RGS8: variants seen among roughly 807,000 people sequenced by gnomAD.
RGS8 encodes regulator of G protein signaling 8.
In RGS8, 8 loss-of-function variants were observed where a neutral mutation model predicts 21.7. The ratio of observed to expected loss-of-function variants is 0.37; its 90% CI spans 0.22 to 0.66. The LOEUF is 0.66. Among genes scored for constraint, RGS8 ranks in the 30% least tolerant of loss-of-function variants. The pLI is 0.59. For missense variants in RGS8, 157 were observed against 217.9 expected (o/e 0.72, Z 1.76); for synonymous variants, 80 against 83.6 (o/e 0.96, Z 0.24).
At chr1:182,719,702 T>C in the RGS8 span, among the ~76,000 whole-genome samples, 1 of 151,524 alleles carries the variant, frequency 6.6e-6, no homozygotes, top group African/African-American at 2.4e-5. Flanking sequence ...GTGCTATGAT[T>C]ATAGGCATGA....
the RGS8 span, among the ~76,000 whole-genome samples, chr1:182,735,910 T>C: frequency 6.6e-6 from 1 of 152,200 alleles, no homozygotes; most frequent in African/African-American, 2.4e-5. Context: ...CCACTTTCTA[T>C]CATGACACCT....
rs1487780348 is a variant in RGS8 at position 182,671,675 on chromosome 1, A to G, written c.-122T>C. The G allele has an allele frequency of 1.2e-6, 2 of 1,614,188 alleles. No homozygotes were observed. Among genetic ancestry groups the G allele is most frequent in the Admixed American group, 1.7e-5 (1 of 60,028 alleles). On this transcript the variant is annotated 5_prime_UTR_variant, in exon 2 of 7. The change abolishes an upstream ATG in the 5' untranslated region. Transcript: ENST00000483095. ...TACTCACTGTCTTTGGCCAGTCCTCATGGCCTGAGGGTCTTTGCCAACTGG... is the reference window on the plus strand; with the variant it reads ...TACTCACTGTCTTTGGCCAGTCCTCGTGGCCTGAGGGTCTTTGCCAACTGG...
the RGS8 span, among the ~76,000 whole-genome samples, chr1:182,692,778 G>C: frequency 6.8e-6 from 1 of 146,944 alleles, no homozygotes; most frequent in Non-Finnish European, 1.5e-5. Context: ...TACAAAAATA[G>C]ACACATAGAC....
the RGS8 span, among the ~76,000 whole-genome samples, chr1:182,740,554 T>G: frequency 8.5e-4 from 116 of 137,258 alleles, 1 homozygote; most frequent in Middle Eastern, 3.6e-3. Context: ...GTTTGTTTTT[T>G]TTTTTTTTTT....
intron 5 of RGS8, among the ~76,000 whole-genome samples, chr1:182,661,264 A>G (rs1663572648): frequency 6.6e-6 from 1 of 151,960 alleles, no homozygotes; most frequent in East Asian, 1.9e-4. Context: ...TTTTAACTGT[A>G]CTATCCATTA....
chr1:182,703,035 A>G, the RGS8 span, among the ~76,000 whole-genome samples: 1 of 152,190 alleles, frequency 6.6e-6, no homozygotes, highest in South Asian at 2.1e-4. Context: ...TCATTTATTT[A>G]CCCAGGAAGT....
chr1:182,724,456 A>G, the RGS8 span, among the ~76,000 whole-genome samples: 4 of 151,944 alleles, frequency 2.6e-5, no homozygotes, highest in East Asian at 7.7e-4. Context: ...CTGTTTACAC[A>G]TCCAGTTAGG....
chr1:182,733,493 G>A, the RGS8 span, among the ~76,000 whole-genome samples: 1 of 152,322 alleles, frequency 6.6e-6, no homozygotes, highest in East Asian at 1.9e-4. Flanking sequence ...GCAGGTAGGA[G>A]CTAAGCTAGG....
At chr1:182,711,436 C>T in the RGS8 span, among the ~76,000 whole-genome samples, 1,960 of 152,288 alleles carry the variant, frequency 0.013, 41 homozygotes, top group African/African-American at 0.045. Flanking sequence ...AATACTTTAC[C>T]TGCAACGTTT....
At chr1:182,746,675 G>GGAAA in the RGS8 span, among the ~76,000 whole-genome samples, 6 of 147,326 alleles carry the variant, frequency 4.1e-5, no homozygotes, top group Admixed American at 6.9e-5. Context: ...GAAAGAAGGA[G>GGAAA]GAAAGAAAGA....
At chr1:182,735,561 G>A in the RGS8 span, among the ~76,000 whole-genome samples, 1 of 152,144 alleles carries the variant, frequency 6.6e-6, no homozygotes, top group Non-Finnish European at 1.5e-5. Context: ...GGAGATAGAA[G>A]GGAAGATAAG....
chr1:182,643,285 C>T (rs1662545895), downstream of RGS8: 1 of 149,862 alleles, frequency 6.7e-6, no homozygotes, highest in African/African-American at 2.5e-5. Context: ...ATACACCAGC[C>T]CCCTTGGCCC....
At chr1:182,649,929 G>A (rs1662921355) in intron 5 of RGS8, among the ~76,000 whole-genome samples, 1 of 148,214 alleles carries the variant, frequency 6.7e-6, no homozygotes, top group African/African-American at 2.5e-5. Flanking sequence ...TTTTGGGTGG[G>A]GGGCATGGAG....
exon 3 of RGS8, chr1:182,669,667 G>A: frequency 6.2e-7 from 1 of 1,614,216 alleles, no homozygotes; most frequent in African/African-American, 1.3e-5. Flanking sequence ...TCAGCTTACG[G>A]TTAACCCTTG....
At chr1:182,697,488 A>G in the RGS8 span, among the ~76,000 whole-genome samples, 1 of 152,244 alleles carries the variant, frequency 6.6e-6, no homozygotes, top group Non-Finnish European at 1.5e-5. Context: ...TGTCTTGAAT[A>G]AAAGAACCCC....
the RGS8 span, among the ~76,000 whole-genome samples, chr1:182,725,082 G>A: frequency 1.3e-5 from 2 of 152,174 alleles, no homozygotes; most frequent in African/African-American, 4.8e-5. Context: ...GGTTAAAGCT[G>A]AGGGGGTTTC....
the RGS8 span, among the ~76,000 whole-genome samples, chr1:182,715,159 T>C: frequency 6.6e-6 from 1 of 152,194 alleles, no homozygotes; most frequent in African/African-American, 2.4e-5. Context: ...TAATATTTAT[T>C]GTAACGTATA....
At chr1:182,732,060 G>T in the RGS8 span, among the ~76,000 whole-genome samples, 1 of 152,150 alleles carries the variant, frequency 6.6e-6, no homozygotes, top group Non-Finnish European at 1.5e-5. Context: ...GAGTAAAAAG[G>T]GATAGATACT....
chr1:182,668,971 G>A (rs1366135988), intron 3 of RGS8, among the ~76,000 whole-genome samples: 4 of 152,088 alleles, frequency 2.6e-5, no homozygotes, highest in Non-Finnish European at 4.4e-5. Flanking sequence ...AAACATTCAG[G>A]TCACTGCCCT....
Sources: gnomAD v4.1 joint callset for allele counts (sites outside exome capture counted in the v4.1 genomes callset) on GRCh38, gnomAD v4.1.1 for gene constraint, MANE v1.5 for transcripts, NCBI Gene and HGNC (gene_info 2026-07-23, HGNC 2026-07-21) for gene names.